Variants in GALNTL6 observed in about 807,000 individuals in gnomAD.
GALNTL6 encodes polypeptide N-acetylgalactosaminyltransferase-like 6.
GALNTL6 carries 46 observed loss-of-function variants against 73.7 expected under a neutral mutation model. The observed-to-expected ratio is 0.62, with a 90% CI of 0.49 to 0.80. The LOEUF (loss-of-function observed/expected upper bound fraction) is 0.80, where lower values mean the gene tolerates loss of function less well. Among genes scored for constraint, GALNTL6 ranks in the 30% least tolerant of loss-of-function variants. GALNTL6 has a pLI of 0.00. For missense variants in GALNTL6, 604 were observed against 755.0 expected, an observed-to-expected ratio of 0.80 and a Z score of 2.34; for synonymous variants, 259 against 263.7, an observed-to-expected ratio of 0.98 and a Z score of 0.17.
intron 2 of GALNTL6, among the ~76,000 whole-genome samples, chr4:171,928,231 TTTA>T (rs1468018536): frequency 4.6e-5 from 7 of 152,354 alleles, no homozygotes; most frequent in African/African-American, 1.7e-4. Flanking sequence ...AATAATTTTA[TTTA>T]TTAACTCATG....
chr4:172,015,412 C>G (rs1451199763), intron 2 of GALNTL6, among the ~76,000 whole-genome samples: 1 of 151,562 alleles, frequency 6.6e-6, no homozygotes, highest in African/African-American at 2.4e-5. Flanking sequence ...TTATTCCAAC[C>G]CTTTACCTTA....
intron 2 of GALNTL6, among the ~76,000 whole-genome samples, chr4:172,194,866 C>T (rs573788124): frequency 6.6e-6 from 1 of 152,226 alleles, no homozygotes; most frequent in South Asian, 2.1e-4. Flanking sequence ...ACACCAATGA[C>T]ACTATGAAGC....
intron 5 of GALNTL6, among the ~76,000 whole-genome samples, chr4:172,487,858 A>C (rs1733754820): frequency 1.3e-5 from 2 of 152,216 alleles, no homozygotes; most frequent in African/African-American, 4.8e-5. Context: ...TCTCAACCCT[A>C]CATGATCATA....
rs1734422670 is a variant in GALNTL6 at position 172,509,520 on chromosome 4, G to T, written c.553+160831G>T. 3.6e-5 allele frequency among the ~76,000 whole-genome samples: 2 copies of T among 54,860 alleles called. 1 individual carries two copies. Among genetic ancestry groups the T allele is most frequent in the Non-Finnish European group, 8.4e-5 (2 of 23,798 alleles). The allele number at this position is 54,860 out of a possible 152,430, so 36.0% of individuals were successfully genotyped here. ...GTGGGTTCTTGGCCATGAAGTCTTTGCCTAAGCCAATGTCTCAAAGCATTT... is the reference window on the plus strand; with the variant it reads ...GTGGGTTCTTGGCCATGAAGTCTTTTCCTAAGCCAATGTCTCAAAGCATTT... On this transcript the variant is annotated intron_variant, in intron 5 of 12. Coordinates refer to ENST00000506823, the MANE Select transcript of GALNTL6 (RefSeq NM_001034845.3).
chr4:172,273,254 T>A (rs1738715776), intron 3 of GALNTL6, among the ~76,000 whole-genome samples: 1 of 152,184 alleles, frequency 6.6e-6, no homozygotes, highest in Admixed American at 6.6e-5. Context: ...TTTGAAGCTG[T>A]ACTAAGTAGC....
intron 12 of GALNTL6, among the ~76,000 whole-genome samples, chr4:173,034,657 T>A (rs1454096529): frequency 1.3e-5 from 2 of 152,224 alleles, no homozygotes; most frequent in African/African-American, 4.8e-5. Flanking sequence ...TTGAGACTCC[T>A]CAGATGTTAC....
intron 5 of GALNTL6, among the ~76,000 whole-genome samples, chr4:172,417,479 A>G (rs1234426713): frequency 1.3e-5 from 2 of 151,938 alleles, no homozygotes; most frequent in Admixed American, 6.6e-5. Flanking sequence ...GCAAAACTTC[A>G]TCTCTACTAG....
chr4:172,912,380 G>A (rs921311311), intron 8 of GALNTL6, among the ~76,000 whole-genome samples: 1 of 152,220 alleles, frequency 6.6e-6, no homozygotes, highest in African/African-American at 2.4e-5. Context: ...TGGACAGTGG[G>A]TGCAGCCCGT....
At chr4:171,914,428 CTTTT>C (rs33924519) in intron 2 of GALNTL6, among the ~76,000 whole-genome samples, 2 of 103,816 alleles carry the variant, frequency 1.9e-5, no homozygotes, top group African/African-American at 4.0e-5. Context: ...GGAAAATGTA[CTTTT>C]TTTTTTTTTT....
intron 5 of GALNTL6, among the ~76,000 whole-genome samples, chr4:172,580,892 A>G (rs1737159348): frequency 6.6e-6 from 1 of 152,132 alleles, no homozygotes; most frequent in African/African-American, 2.4e-5. Context: ...CCTCCCGAGT[A>G]GCTGGGATTA....
intron 5 of GALNTL6, among the ~76,000 whole-genome samples, chr4:172,366,186 T>C (rs1254302958): frequency 6.9e-6 from 1 of 143,966 alleles, no homozygotes; most frequent in African/African-American, 2.4e-5. Context: ...TTCTGATACA[T>C]TTTTTACATA....
At chr4:172,344,380 C>T (rs889377306) in intron 4 of GALNTL6, among the ~76,000 whole-genome samples, 4 of 152,138 alleles carry the variant, frequency 2.6e-5, no homozygotes, top group Non-Finnish European at 5.9e-5. Context: ...TTTGGAGCAG[C>T]TCAAGTGCTA....
intron 2 of GALNTL6, among the ~76,000 whole-genome samples, chr4:172,063,485 G>A (rs1467444028): frequency 2.7e-5 from 4 of 150,076 alleles, no homozygotes; most frequent in Admixed American, 2.7e-4. Flanking sequence ...CTTTTTTTTG[G>A]CTTTTATTTT....
intron 4 of GALNTL6, among the ~76,000 whole-genome samples, chr4:172,340,982 C>G (rs1258478123): frequency 1.3e-5 from 2 of 152,144 alleles, no homozygotes; most frequent in Non-Finnish European, 2.9e-5. Context: ...CTCTAGCCAC[C>G]TTGGTCGCCT....
chr4:172,299,152 T>C (rs1347511663), intron 3 of GALNTL6, among the ~76,000 whole-genome samples: 4 of 152,160 alleles, frequency 2.6e-5, no homozygotes, highest in Admixed American at 6.5e-5. Flanking sequence ...AGTTTATTTG[T>C]GTAGAGGTGT....
intron 5 of GALNTL6, among the ~76,000 whole-genome samples, chr4:172,574,998 G>A (rs893666413): frequency 2.0e-5 from 3 of 151,622 alleles, no homozygotes; most frequent in African/African-American, 4.9e-5. Context: ...TCCAATTAGC[G>A]GTACCCATAA....
At chr4:172,346,988 C>CTTTTTTTTTTTT (rs34332250) in intron 4 of GALNTL6, among the ~76,000 whole-genome samples, 2 of 114,408 alleles carry the variant, frequency 1.7e-5, no homozygotes, top group Admixed American at 9.6e-5. Context: ...TGTTTTCTTT[C>CTTTTTTTTTTTT]TTTTTTTTTT....
chr4:171,910,441 C>G (rs1255100775), intron 2 of GALNTL6, among the ~76,000 whole-genome samples: 1 of 151,728 alleles, frequency 6.6e-6, no homozygotes, highest in Non-Finnish European at 1.5e-5. Flanking sequence ...TATCCTTATT[C>G]TTTTGACGTG....
At position 171,942,739 on chromosome 4, in the gene GALNTL6, G is replaced by A. The variant is rs117636352; in HGVS notation, c.138+128021G>A. ...AAGTTTTCTGCATGCAGCCATCGTA[G>A]GATCTATATTGCAGACAAGATATAG... On this transcript the variant is annotated intron_variant, in intron 2 of 12. Coordinates refer to ENST00000506823, the MANE Select transcript of GALNTL6 (RefSeq NM_001034845.3). Among the ~76,000 whole-genome samples, 186 of 152,310 alleles carry A rather than the reference G, an allele frequency of 1.2e-3. 5 individuals are homozygous for A. The East Asian group carries it at 0.03, about 25-fold the overall frequency.
Sources: allele counts gnomAD v4.1 joint callset (sites outside exome capture counted in the v4.1 genomes callset), GRCh38; gene constraint gnomAD v4.1.1; transcripts MANE v1.5; gene names NCBI Gene and HGNC (gene_info 2026-07-23, HGNC 2026-07-21).